Variants in PRSS23 observed in about 807,000 individuals in gnomAD.
The protein encoded by PRSS23 is protease, serine 23.
In PRSS23, 25 loss-of-function variants were observed where a neutral mutation model predicts 34.7. The observed-to-expected ratio is 0.72, with a 90% CI of 0.53 to 1.01. The LOEUF (loss-of-function observed/expected upper bound fraction) is 1.01. Among genes scored for constraint, PRSS23 ranks in the 50% least tolerant of loss-of-function variants. The probability of loss-of-function intolerance (pLI) is 0.00; values close to 1 mark genes in which losing one functional copy is unlikely to be tolerated. For synonymous variants in PRSS23, 176 were observed against 186.6 expected (o/e 0.94, Z 0.46); for missense variants, 445 against 475.6 (o/e 0.94, Z 0.60).
At chr11:86,849,554 A>T (rs575321962) in intron 2 of PRSS23, among the ~76,000 whole-genome samples, 3 of 152,308 alleles carry the variant, frequency 2.0e-5, no homozygotes, top group East Asian at 3.9e-4. Flanking sequence ...ATATCCCTTA[A>T]GGCCTGAAGC....
intron 2 of PRSS23, among the ~76,000 whole-genome samples, chr11:86,856,241 T>G (rs1220097193): frequency 6.6e-6 from 1 of 151,868 alleles, no homozygotes; most frequent in Non-Finnish European, 1.5e-5. Flanking sequence ...TTTGAAGAAA[T>G]CATATTACAA....
At chr11:86,847,676 A>C (rs923567293) in intron 2 of PRSS23, among the ~76,000 whole-genome samples, 1 of 152,084 alleles carries the variant, frequency 6.6e-6, no homozygotes, top group Non-Finnish European at 1.5e-5. Context: ...CGACCCTGAA[A>C]CCTTAAAAAA....
chr11:86,880,760 C>T lies in PRSS23; in HGVS notation c.206+57167C>T, dbSNP rs552232806. Reference sequence around the variant, plus strand: ...AACATGCAGCATTTGGTTTTCTGTTCCTGTGTTAGTTTGCTGAGAATGATG... The same window carrying T: ...AACATGCAGCATTTGGTTTTCTGTTTCTGTGTTAGTTTGCTGAGAATGATG... On this transcript the variant is annotated intron_variant, in intron 2 of 2. Transcript: ENST00000533902. 6.6e-5 allele frequency among the ~76,000 whole-genome samples: 10 copies of T among 152,286 alleles called. No individual in the cohort carries two copies. In the East Asian group the frequency reaches 1.9e-3, roughly 29 times the overall value.
chr11:86,889,986 A>G (rs1308512510), intron 2 of PRSS23, among the ~76,000 whole-genome samples: 2 of 152,168 alleles, frequency 1.3e-5, no homozygotes, highest in African/African-American at 4.8e-5. Flanking sequence ...TCCCCAGTTG[A>G]GGCCAGGTGC....
chr11:86,861,321 T>C (rs762556214), intron 2 of PRSS23, among the ~76,000 whole-genome samples: 6 of 150,062 alleles, frequency 4.0e-5, no homozygotes, highest in Non-Finnish European at 8.9e-5. Flanking sequence ...GAGAGGGGCA[T>C]GATATTACTC....
chr11:86,934,670 T>G (rs1411504330), intron 2 of PRSS23: 2 of 152,350 alleles, frequency 1.3e-5, no homozygotes, highest in Admixed American at 1.3e-4. Flanking sequence ...TCAGGCCAAC[T>G]AGAGGATGCC....
chr11:86,932,063 T>C (rs1949129821), intron 2 of PRSS23, among the ~76,000 whole-genome samples: 1 of 152,142 alleles, frequency 6.6e-6, no homozygotes, highest in Admixed American at 6.5e-5. Context: ...TTGGAGGTGA[T>C]GGAGACTTCC....
At chr11:86,844,496 T>C (rs970042707) in intron 2 of PRSS23, among the ~76,000 whole-genome samples, 4 of 152,128 alleles carry the variant, frequency 2.6e-5, no homozygotes, top group Non-Finnish European at 5.9e-5. Flanking sequence ...GATTAAACAA[T>C]AATGAAGTTC....
chr11:86,891,959 C>A (rs980685546), intron 2 of PRSS23, among the ~76,000 whole-genome samples: 1 of 152,206 alleles, frequency 6.6e-6, no homozygotes. Context: ...GTTAATTAAA[C>A]CTTTTTCCTT....
At chr11:86,910,563 C>T (rs1017066276) in intron 2 of PRSS23, 2 of 152,116 alleles carry the variant, frequency 1.3e-5, no homozygotes, top group Non-Finnish European at 2.9e-5. Context: ...GTATTTATAT[C>T]CTTAACATTT....
chr11:86,884,881 A>T (rs1255932493), intron 2 of PRSS23, among the ~76,000 whole-genome samples: 1 of 152,158 alleles, frequency 6.6e-6, no homozygotes, highest in East Asian at 1.9e-4. Context: ...GCATCCCTAA[A>T]ATTGACATCT....
intron 2 of PRSS23, among the ~76,000 whole-genome samples, chr11:86,859,999 C>T (rs766007273): frequency 6.6e-6 from 1 of 151,830 alleles, no homozygotes; most frequent in African/African-American, 2.4e-5. Context: ...GTATACCCAA[C>T]CTGTGATGTT....
intron 2 of PRSS23, among the ~76,000 whole-genome samples, chr11:86,865,780 C>T (rs1323404771): frequency 1.3e-5 from 2 of 152,184 alleles, no homozygotes; most frequent in South Asian, 2.1e-4. Flanking sequence ...TTCTCATGCT[C>T]CTTGGAAACA....
chr11:86,842,228 A>G (rs992139378), intron 2 of PRSS23, among the ~76,000 whole-genome samples: 1 of 152,248 alleles, frequency 6.6e-6, no homozygotes, highest in Non-Finnish European at 1.5e-5. Context: ...GACAAAATTC[A>G]ACAGACCTTC....
chr11:86,949,412 A>T (rs1180344231), intron 2 of PRSS23: 1 of 151,982 alleles, frequency 6.6e-6, no homozygotes, highest in Non-Finnish European at 1.5e-5. Context: ...GATTGAAAAA[A>T]AAAAAAAGAA....
intron 2 of PRSS23, among the ~76,000 whole-genome samples, chr11:86,939,413 T>A (rs1565392780): frequency 7.3e-5 from 6 of 82,376 alleles, no homozygotes; most frequent in Non-Finnish European, 8.8e-5. Flanking sequence ...AATATATATA[T>A]ATATATATAT....
At chr11:86,847,691 C>T (rs1948498140) in intron 2 of PRSS23, among the ~76,000 whole-genome samples, 1 of 152,174 alleles carries the variant, frequency 6.6e-6, no homozygotes, top group Non-Finnish European at 1.5e-5. Flanking sequence ...AAAAAAGAAG[C>T]AGCTAATTTT....
Position 86,808,669 on chromosome 11 carries a change from G to A in PRSS23, c.1026G>A (p.Gly342=), listed in dbSNP as rs149598918. Residue 342 remains glycine (G), a synonymous_variant, in exon 2 of 2, where the codon GGG becomes GGA. Transcript: ENST00000280258. The stretch of plus-strand genomic sequence containing the variant: ...GAAAAATTATTGGCATTTTTTCAGG[G>A]CACCAGTGGGTGGACATGAATGGTT... ...WERKIIGIFS[G]HQWVDMNGSP... is the part of the protein sequence containing the mutation. 6.2e-7 allele frequency: 1 copy of A among 1,614,160 alleles called. No individual in the cohort carries two copies. The highest frequency in any genetic ancestry group is 8.5e-7 in the Non-Finnish European group (1 of 1,180,028).
At chr11:86,843,770 A>G (rs1177100902) in intron 2 of PRSS23, among the ~76,000 whole-genome samples, 2 of 152,184 alleles carry the variant, frequency 1.3e-5, no homozygotes, top group Non-Finnish European at 2.9e-5. Context: ...GAAACAACAG[A>G]TGCTGGAGAG....
Sources: allele counts gnomAD v4.1 joint callset (sites outside exome capture counted in the v4.1 genomes callset), GRCh38; gene constraint gnomAD v4.1.1; transcripts MANE v1.5; gene names NCBI Gene and HGNC (gene_info 2026-07-23, HGNC 2026-07-21).